CCNA1: variants seen among roughly 807,000 people sequenced by gnomAD.
CCNA1 encodes cyclin-A1.
CCNA1 carries 23 observed loss-of-function variants against 54.1 expected under a neutral mutation model. That is an observed-to-expected ratio of 0.42 (90% CI 0.31 to 0.60). CCNA1 has a LOEUF of 0.60. CCNA1 is among the 20% of genes least tolerant of loss of function. The pLI is 0.14. For synonymous variants in CCNA1, 208 were observed against 213.9 expected, an observed-to-expected ratio of 0.97 and a Z score of 0.24; for missense variants, 450 against 556.7, an observed-to-expected ratio of 0.81 and a Z score of 1.93.
intron 2 of CCNA1, among the ~76,000 whole-genome samples, chr13:36,434,826 G>GCC (rs368520828): frequency 0.015 from 1,643 of 110,736 alleles, 79 homozygotes; most frequent in African/African-American, 0.038. Context: ...CATGAGAGGT[G>GCC]CCCCCCCCCC....
intron 2 of CCNA1, among the ~76,000 whole-genome samples, chr13:36,436,648 A>C (rs1374190966): frequency 6.6e-6 from 1 of 152,248 alleles, no homozygotes; most frequent in Admixed American, 6.5e-5. Context: ...ATCTGGTTAC[A>C]GTAACTTATG....
chr13:36,433,315 T>TC (rs771150029), intron 2 of CCNA1, 94 bp downstream of exon 2: 8 of 782,052 alleles, frequency 1.0e-5, no homozygotes, highest in Non-Finnish European at 1.6e-5. Context: ...TACCTACAAC[T>TC]CCCCCTGAGT....
At chr13:36,442,583 T>C (rs760301278) in intron 8 of CCNA1, 31 bp from the exon 9 acceptor site, 1 of 1,612,128 alleles carries the variant, frequency 6.2e-7, no homozygotes, top group Non-Finnish European at 8.5e-7. Context: ...GTCCTTGGCT[T>C]GTGCTGACCT....
intron 2 of CCNA1, 75 bp downstream of exon 2, chr13:36,433,296 T>C (rs1012477146): frequency 1.6e-6 from 2 of 1,230,340 alleles, no homozygotes; most frequent in African/African-American, 3.0e-5. Flanking sequence ...TGCTTTTCTC[T>C]TGCCCTTGTA....
At chr13:36,437,430 A>G (rs1395217757) in intron 2 of CCNA1, among the ~76,000 whole-genome samples, 199 bp from the exon 3 acceptor site, 1 of 152,150 alleles carries the variant, frequency 6.6e-6, no homozygotes, top group African/African-American at 2.4e-5. Flanking sequence ...CTTTCTCCAA[A>G]TATCAAATGT....
intron 2 of CCNA1, 66 bp from the exon 3 acceptor site, chr13:36,437,563 T>A (rs1271584320): frequency 1.1e-5 from 16 of 1,513,388 alleles, no homozygotes; most frequent in Non-Finnish European, 1.8e-6. Context: ...GTTTGAGTCA[T>A]GCAGGTTCAC....
At chr13:36,434,045 C>G (rs2137812104) in intron 2 of CCNA1, among the ~76,000 whole-genome samples, 1 of 152,294 alleles carries the variant, frequency 6.6e-6, no homozygotes, top group Admixed American at 6.5e-5. Context: ...CAGGTTAGAG[C>G]AGTGTTCACA....
At chr13:36,435,769 CAT>C (rs1360538044) in intron 2 of CCNA1, among the ~76,000 whole-genome samples, 1 of 152,208 alleles carries the variant, frequency 6.6e-6, no homozygotes, top group South Asian at 2.1e-4. Context: ...TGCAGGCTCA[CAT>C]ATTCAGGAGC....
At chr13:36,438,362 T>TA (rs2055833558) in intron 4 of CCNA1, among the ~76,000 whole-genome samples, 171 bp downstream of exon 4, 1 of 152,218 alleles carries the variant, frequency 6.6e-6, no homozygotes, top group Non-Finnish European at 1.5e-5. Flanking sequence ...TTGCTTGGAC[T>TA]ATTTCTACAT....
rs531702025 is a variant in CCNA1 at position 36,442,058 on chromosome 13, G to A, written c.1213-113G>A. On this transcript the variant is annotated intron_variant, in intron 7 of 8. Transcript: ENST00000255465. Reference sequence around the variant, plus strand: ...TCTGAAGGGGGTTCTGGTCTCTTTCGAGATGAATGTGAATATTTACTAAGG... The same window carrying A: ...TCTGAAGGGGGTTCTGGTCTCTTTCAAGATGAATGTGAATATTTACTAAGG... 66 of 742,654 alleles carry A rather than the reference G, an allele frequency of 8.9e-5. 1 individual carries two copies. In the Middle Eastern group the frequency reaches 1.8e-3, roughly 21 times the overall value. 46.0% of individuals were successfully genotyped at this position (742,654 alleles called of 1,614,324 possible). A position where few individuals can be genotyped will look rare whatever the true frequency, so the allele number is the denominator to read the frequency against.
chr13:36,439,451 C>T lies in CCNA1; in HGVS notation c.894-528C>T, dbSNP rs2055849255. 2.0e-5 allele frequency among the ~76,000 whole-genome samples: 3 copies of T among 152,124 alleles called. No individual in the cohort carries two copies. In the South Asian group the frequency reaches 6.2e-4, roughly 32 times the overall value. On this transcript the variant is annotated intron_variant, in intron 5 of 8. Coordinates refer to ENST00000255465, the MANE Select transcript of CCNA1 (RefSeq NM_003914.4). ...AATGCAGAAAAACTTGCCAAAATTC[C>T]CCTAAAGAAAGTAGAAACAAAGGCA...
intron 4 of CCNA1, 124 bp downstream of exon 4, chr13:36,438,315 A>G (rs2055832816): frequency 3.5e-6 from 3 of 846,940 alleles, no homozygotes; most frequent in Non-Finnish European, 3.7e-6. Context: ...ACATAAGAAT[A>G]TCTATGAAAA....
chr13:36,433,392 T>C (rs1418637303), intron 2 of CCNA1, among the ~76,000 whole-genome samples, 171 bp downstream of exon 2: 1 of 92,224 alleles, frequency 1.1e-5, no homozygotes, highest in Non-Finnish European at 2.2e-5. Context: ...CTTTCTTTCT[T>C]TCTTTCTTTC....
chr13:36,431,568 G>C (rs1178487973), upstream of CCNA1: 1 of 152,208 alleles, frequency 6.6e-6, no homozygotes, highest in East Asian at 1.9e-4. Context: ...GCAGGAGCCC[G>C]CGGGGGAAGA....
chr13:36,442,770 G>A lies in CCNA1; in HGVS notation c.*105G>A. On this transcript the variant is annotated 3_prime_UTR_variant, in exon 9 of 9. Transcript: ENST00000255465. ...ATCAACTAATGTTGTTTACAATATA[G>A]ATGACATTTTAAAAATGTAAATGAA... is the stretch of plus-strand genomic sequence containing the variant. 1.1e-6 allele frequency: 1 copy of A among 886,876 alleles called. No homozygotes were observed. The highest frequency in any genetic ancestry group is 1.8e-6 in the Non-Finnish European group (1 of 550,222). The allele number at this position is 886,876 out of a possible 1,614,324, so 54.9% of individuals were successfully genotyped here. A position where few individuals can be genotyped will look rare whatever the true frequency, so the allele number is the denominator to read the frequency against.
intron 2 of CCNA1, among the ~76,000 whole-genome samples, chr13:36,433,865 AG>A (rs2137811517): frequency 6.6e-6 from 1 of 152,184 alleles, no homozygotes; most frequent in South Asian, 2.1e-4. Flanking sequence ...GATCACCTTG[AG>A]GGGTTCGGTT....
At chr13:36,439,310 A>G (rs1177891987) in intron 5 of CCNA1, among the ~76,000 whole-genome samples, 1 of 152,202 alleles carries the variant, frequency 6.6e-6, no homozygotes, top group Non-Finnish European at 1.5e-5. Flanking sequence ...TTCATTCATG[A>G]AAGTACCTAA....
At position 36,439,989 on chromosome 13, in the gene CCNA1, G is replaced by A; in HGVS notation, c.904G>A (p.Glu302Lys). Reference sequence around the variant, plus strand: ...CTCTTCCTTTCCCAGGAAATATGAAGAGATATATCCTCCTGAAGTAGACGA... The same window carrying A: ...CTCTTCCTTTCCCAGGAAATATGAAAAGATATATCCTCCTGAAGTAGACGA... Residue 302 changes from glutamate (E) to lysine (K), a missense_variant, in exon 6 of 9, where the codon GAG becomes AAG. By Grantham distance (56) the Glu-to-Lys change is moderately conservative. This residue lies in a region of CCNA1 where 150 missense variants were observed against 219.7 expected (regional missense o/e 0.68). Coordinates refer to ENST00000255465, the MANE Select transcript of CCNA1 (RefSeq NM_003914.4). 1 of 1,605,786 alleles carries A rather than the reference G, an allele frequency of 6.2e-7. No homozygotes were observed. The highest frequency in any genetic ancestry group is 8.5e-7 in the Non-Finnish European group (1 of 1,172,830).
chr13:36,435,669 C>G (rs2055794703), intron 2 of CCNA1, among the ~76,000 whole-genome samples: 1 of 152,188 alleles, frequency 6.6e-6, no homozygotes, highest in African/African-American at 2.4e-5. Context: ...CACTCACTCC[C>G]TTAGTAGCCT....
Sources: allele counts gnomAD v4.1 joint callset (sites outside exome capture counted in the v4.1 genomes callset), GRCh38; gene constraint gnomAD v4.1.1; regional missense constraint gnomAD v4.1.1; transcripts MANE v1.5; gene names NCBI Gene and HGNC (gene_info 2026-07-23, HGNC 2026-07-21).